Variants in EIF4G3 observed in about 807,000 individuals in gnomAD.
The protein encoded by EIF4G3 is eIF-4-gamma 3.
Under a neutral mutation model 186.4 loss-of-function variants are expected in EIF4G3, and 34 were observed. That is an observed-to-expected ratio of 0.18 (90% CI 0.14 to 0.24). The LOEUF is 0.24. Among genes scored for constraint, EIF4G3 ranks in the 10% least tolerant of loss-of-function variants. The pLI is 1.00. For synonymous variants in EIF4G3, 673 were observed against 679.5 expected (o/e 0.99, Z 0.15); for missense variants, 1,536 against 1,948.5 (o/e 0.79, Z 3.99).
intron 2 of EIF4G3, among the ~76,000 whole-genome samples, chr1:21,157,102 C>T (rs1374116749): frequency 6.6e-6 from 1 of 152,062 alleles, no homozygotes; most frequent in African/African-American, 2.4e-5. Flanking sequence ...GTTAGATATC[C>T]AAAGGTTCTC....
chr1:21,137,339 T>C (rs2097263834), intron 2 of EIF4G3, among the ~76,000 whole-genome samples: 1 of 151,624 alleles, frequency 6.6e-6, no homozygotes, highest in Non-Finnish European at 1.5e-5. Flanking sequence ...AGAGACGAGG[T>C]CTCACTACAC....
intron 3 of EIF4G3, among the ~76,000 whole-genome samples, chr1:21,072,529 G>C (rs1314358090): frequency 6.6e-6 from 1 of 152,016 alleles, no homozygotes; most frequent in East Asian, 1.9e-4. Context: ...TCAGCCTCCT[G>C]AGCAGCTGGG....
intron 19 of EIF4G3, among the ~76,000 whole-genome samples, chr1:20,881,234 T>A (rs934953654): frequency 2.0e-5 from 3 of 152,150 alleles, no homozygotes; most frequent in African/African-American, 7.2e-5. Context: ...GAAAGGATAA[T>A]CTTTTCAACA....
intron 20 of EIF4G3, among the ~76,000 whole-genome samples, chr1:20,866,088 A>C (rs1396747433): frequency 6.6e-6 from 1 of 152,234 alleles, no homozygotes; most frequent in Non-Finnish European, 1.5e-5. Flanking sequence ...ATAATATGAT[A>C]CAACAGTTTT....
chr1:21,031,421 T>C (rs1164416046), intron 4 of EIF4G3, among the ~76,000 whole-genome samples: 1 of 150,482 alleles, frequency 6.6e-6, no homozygotes, highest in African/African-American at 2.4e-5. Flanking sequence ...GAGAGCTGTT[T>C]ATGCATTTTC....
At chr1:20,807,606 C>G (rs1036264054) in intron 36 of EIF4G3, 106 bp from the exon 37 acceptor site, 11 of 1,026,864 alleles carry the variant, frequency 1.1e-5, no homozygotes, top group Non-Finnish European at 1.4e-5. Flanking sequence ...ATTAATTCCC[C>G]CAGAAAAAAG....
chr1:20,982,275 A>G, intron 8 of EIF4G3, 113 bp downstream of exon 8: 1 of 768,096 alleles, frequency 1.3e-6, no homozygotes, highest in Non-Finnish European at 2.0e-6. Flanking sequence ...TTGAAACAAT[A>G]TACCAATAGT....
At chr1:21,082,970 G>A (rs1347064176) in intron 3 of EIF4G3, among the ~76,000 whole-genome samples, 1 of 142,820 alleles carries the variant, frequency 7.0e-6, no homozygotes, top group African/African-American at 2.6e-5. Context: ...CCTGGGAGGG[G>A]GAGCTTGCAG....
intron 3 of EIF4G3, among the ~76,000 whole-genome samples, chr1:21,064,305 G>A (rs760491677): frequency 5.9e-5 from 9 of 152,018 alleles, no homozygotes; most frequent in South Asian, 4.2e-4. Flanking sequence ...ATCTGTTTGC[G>A]CCCTTGCAAT....
At chr1:21,172,305 T>G (rs755444336) in intron 2 of EIF4G3, among the ~76,000 whole-genome samples, 9 of 152,162 alleles carry the variant, frequency 5.9e-5, no homozygotes, top group Non-Finnish European at 1.0e-4. Context: ...TAATTCCTCC[T>G]TCCCCAGACT....
intron 15 of EIF4G3, 41 bp from the exon 16 acceptor site, chr1:20,899,984 G>A (rs551506979): frequency 9.6e-6 from 15 of 1,568,656 alleles, no homozygotes; most frequent in Middle Eastern, 1.8e-4. Context: ...TTTTTTCCAC[G>A]GGTGTAAATA....
chr1:20,948,840 C>A (rs1328097280), intron 13 of EIF4G3, among the ~76,000 whole-genome samples: 1 of 151,462 alleles, frequency 6.6e-6, no homozygotes, highest in Non-Finnish European at 1.5e-5. Context: ...GAAACCCCGT[C>A]TATACTAAAA....
rs529016102 is a variant in EIF4G3 at position 20,976,947 on chromosome 1, G to C, written c.493+3387C>G. 4.9e-4 allele frequency among the ~76,000 whole-genome samples: 74 copies of C among 152,174 alleles called. No homozygotes were observed. In the South Asian group the frequency reaches 0.013, roughly 26 times the overall value. The stretch of plus-strand genomic sequence containing the variant: ...AGATTATGTATATTTTAAAAGAAAT[G>C]AGAGAAGTTCTATAGATAATGAAAT... On this transcript the variant is annotated intron_variant, in intron 10 of 36. Transcript: ENST00000602326.
intron 12 of EIF4G3, among the ~76,000 whole-genome samples, chr1:20,954,534 CAAAAAA>C (rs35942587): frequency 2.0e-5 from 1 of 49,324 alleles, no homozygotes; most frequent in Admixed American, 2.8e-4. Context: ...GACCCCGTCT[CAAAAAA>C]AAAAAAAAAA....
At chr1:20,949,350 AGAGAC>A (rs2096103599) in intron 13 of EIF4G3, among the ~76,000 whole-genome samples, 1 of 152,234 alleles carries the variant, frequency 6.6e-6, no homozygotes, top group African/African-American at 2.4e-5. Flanking sequence ...CAATAGGAGC[AGAGAC>A]CTTAGTGTAC....
chr1:21,171,685 A>T (rs972811709), intron 2 of EIF4G3, among the ~76,000 whole-genome samples: 10 of 152,220 alleles, frequency 6.6e-5, no homozygotes, highest in Admixed American at 6.5e-5. Context: ...CACAAATCTC[A>T]AAAGACAATC....
chr1:20,921,916 A>C (rs568010599), intron 14 of EIF4G3, among the ~76,000 whole-genome samples: 1 of 152,212 alleles, frequency 6.6e-6, no homozygotes, highest in South Asian at 2.1e-4. Context: ...CTTTCTCCAA[A>C]TCTTTGGTGC....
intron 24 of EIF4G3, 27 bp downstream of exon 24, chr1:20,860,358 C>G (rs370079869): frequency 6.2e-7 from 1 of 1,613,242 alleles, no homozygotes; most frequent in Non-Finnish European, 8.5e-7. Flanking sequence ...TCCAAGTTCT[C>G]TAAACCCTGG....
In EIF4G3 at chr1:20,849,543, C is replaced by A. The variant is rs759742174; in HGVS notation, c.3773-13G>T. The A allele has an allele frequency of 3.3e-5, 45 of 1,372,286 alleles. 1 individual carries two copies. Among genetic ancestry groups the A allele is most frequent in the South Asian group, 2.3e-4 (16 of 68,088 alleles). The allele number at this position is 1,372,286 out of a possible 1,614,324, so 85.0% of individuals were successfully genotyped here. On this transcript the variant is annotated splice_polypyrimidine_tract_variant and intron_variant, in intron 28 of 36. Coordinates refer to ENST00000602326, the MANE Select transcript of EIF4G3 (RefSeq NM_001391906.1). ...ATTTCTGGTTTTGCTATTAGTGAGGCCCCCCAAAAAAAGTAAAAATAATAA... is the reference window on the plus strand; with the variant it reads ...ATTTCTGGTTTTGCTATTAGTGAGGACCCCCAAAAAAAGTAAAAATAATAA...
Sources: gnomAD v4.1 joint callset for allele counts (sites outside exome capture counted in the v4.1 genomes callset) on GRCh38, gnomAD v4.1.1 for gene constraint, MANE v1.5 for transcripts, NCBI Gene and HGNC (gene_info 2026-07-23, HGNC 2026-07-21) for gene names.